The following ENTREP3 variants were observed in gnomAD, a reference collection of about 807,000 sequenced individuals.
ENTREP3 encodes the protein protein ENTREP3.
the ENTREP3 span, chr1:155,252,036 C>A: frequency 3.2e-6 from 2 of 628,022 alleles, no homozygotes; most frequent in Non-Finnish European, 5.2e-6. Flanking sequence ...TGTTCTGGCC[C>A]CTCCCTCACC....
the ENTREP3 span, chr1:155,250,394 G>A: frequency 1.3e-5 from 20 of 1,512,880 alleles, no homozygotes; most frequent in African/African-American, 8.4e-5. This position sits in a 1 kb window ranked among gnomAD's most constrained non-coding sequence, Gnocchi z 5.4. Context: ...CTGAGCTATC[G>A]CTGAAGCGAC....
At chr1:155,254,584 A>G in the ENTREP3 span, 1 of 1,559,928 alleles carries the variant, frequency 6.4e-7, no homozygotes, top group Non-Finnish European at 8.8e-7. The surrounding 1 kb of genome is among the most constrained non-coding windows in gnomAD (Gnocchi z 4.4). Context: ...AAGCATGTGG[A>G]CTTGCAGCTG....
the ENTREP3 span, chr1:155,254,371 C>T: frequency 2.5e-6 from 4 of 1,611,514 alleles, no homozygotes; most frequent in African/African-American, 1.3e-5. The surrounding 1 kb of genome is among the most constrained non-coding windows in gnomAD (Gnocchi z 4.4). Context: ...GCACCTGCCT[C>T]CCAGTGGGCA....
At chr1:155,254,205 CAG>C in the ENTREP3 span, 3 of 1,605,864 alleles carry the variant, frequency 1.9e-6, no homozygotes, top group South Asian at 3.3e-5. The surrounding 1 kb of genome is among the most constrained non-coding windows in gnomAD (Gnocchi z 4.4). Flanking sequence ...CTGGGGAAAA[CAG>C]GGTGCAGACT....
the ENTREP3 span, chr1:155,250,675 G>A: frequency 6.2e-7 from 1 of 1,612,540 alleles, no homozygotes; most frequent in Non-Finnish European, 8.5e-7. This position sits in a 1 kb window ranked among gnomAD's most constrained non-coding sequence, Gnocchi z 5.4. Flanking sequence ...TAGCCGGCAC[G>A]GCTGCGCTGG....
chr1:155,254,445 G>T, the ENTREP3 span: 11 of 1,614,084 alleles, frequency 6.8e-6, no homozygotes, highest in Non-Finnish European at 9.3e-6. The surrounding 1 kb of genome is among the most constrained non-coding windows in gnomAD (Gnocchi z 4.4). Context: ...CAACCACCCC[G>T]GAGAACGCCA....
At chr1:155,254,821 C>T in the ENTREP3 span, 10 of 1,607,218 alleles carry the variant, frequency 6.2e-6, no homozygotes, top group Middle Eastern at 1.9e-4. The surrounding 1 kb of genome is among the most constrained non-coding windows in gnomAD (Gnocchi z 4.4). Context: ...GGGTAAGGCC[C>T]CTGGTGCTGG....
At chr1:155,251,247 C>T in the ENTREP3 span, 1 of 1,120,680 alleles carries the variant, frequency 8.9e-7, no homozygotes, top group Non-Finnish European at 1.3e-6. Context: ...GACTTAGATT[C>T]CAGACCAGCC....
chr1:155,248,474 C>T, the ENTREP3 span: 1 of 1,613,422 alleles, frequency 6.2e-7, no homozygotes, highest in Non-Finnish European at 8.5e-7. Context: ...CTGAAGTCAG[C>T]TGGGGAGAAG....
chr1:155,247,644 AGG>A, the ENTREP3 span: 257,956 of 830,666 alleles, frequency 0.31, 47,151 homozygotes, highest in East Asian at 0.73. Flanking sequence ...CCCCAGAGGT[AGG>A]AGGGAAAGGG....
chr1:155,250,807 C>G, the ENTREP3 span: 1 of 1,605,626 alleles, frequency 6.2e-7, no homozygotes, highest in Non-Finnish European at 8.5e-7. The surrounding 1 kb of genome is among the most constrained non-coding windows in gnomAD (Gnocchi z 5.4). Context: ...ACCAGAGACC[C>G]GCTGTCCATG....
the ENTREP3 span, chr1:155,252,963 A>C: frequency 6.6e-6 from 1 of 150,866 alleles, no homozygotes; most frequent in Non-Finnish European, 1.5e-5. Context: ...GCTGGAGTGC[A>C]GTGGCACTAT....
chr1:155,254,090 G>T, the ENTREP3 span: 1 of 1,613,972 alleles, frequency 6.2e-7, no homozygotes. The surrounding 1 kb of genome is among the most constrained non-coding windows in gnomAD (Gnocchi z 4.4). Flanking sequence ...TCACCAGAGA[G>T]CACTGTTGGA....
chr1:155,250,285 T>C, the ENTREP3 span: 2 of 1,547,068 alleles, frequency 1.3e-6, no homozygotes, highest in African/African-American at 2.8e-5. This position sits in a 1 kb window ranked among gnomAD's most constrained non-coding sequence, Gnocchi z 5.4. Context: ...CCAGTGTCAC[T>C]GGAGGTCGTG....
chr1:155,254,635 A>C, the ENTREP3 span: 1 of 1,604,118 alleles, frequency 6.2e-7, no homozygotes, highest in South Asian at 1.1e-5. This position sits in a 1 kb window ranked among gnomAD's most constrained non-coding sequence, Gnocchi z 4.4. Context: ...CCACCCAACA[A>C]CTGTGCACCC....
the ENTREP3 span, chr1:155,250,564 CA>C: frequency 6.3e-7 from 1 of 1,593,204 alleles, no homozygotes; most frequent in South Asian, 1.1e-5. The surrounding 1 kb of genome is among the most constrained non-coding windows in gnomAD (Gnocchi z 5.4). Context: ...GGTGGAGCTT[CA>C]GGGGCAGAGC....
the ENTREP3 span, chr1:155,251,641 TC>T: frequency 6.2e-7 from 1 of 1,604,886 alleles, no homozygotes; most frequent in African/African-American, 1.3e-5. Context: ...GAGAAATAAT[TC>T]CCCCTCCACA....
chr1:155,250,898 A>G, the ENTREP3 span: 1 of 1,448,444 alleles, frequency 6.9e-7, no homozygotes. The surrounding 1 kb of genome is among the most constrained non-coding windows in gnomAD (Gnocchi z 5.4). Context: ...TCTTCTCCCA[A>G]GCCCAGCCTC....
At chr1:155,249,906 AT>A in the ENTREP3 span, among the ~76,000 whole-genome samples, 37 of 147,540 alleles carry the variant, frequency 2.5e-4, no homozygotes, top group South Asian at 4.4e-4. Context: ...AAAAAAAAAA[AT>A]ATTAGCCGGT....
Sources: gnomAD v4.1 joint callset for allele counts (sites outside exome capture counted in the v4.1 genomes callset) on GRCh38, gnomAD v4.1.1 for gene constraint, Gnocchi (gnomAD v3.1) non-coding constraint, MANE v1.5 for transcripts, NCBI Gene and HGNC (gene_info 2026-07-23, HGNC 2026-07-21) for gene names.